The following TRPM5 variants were observed in gnomAD, a reference collection of about 807,000 sequenced individuals.
TRPM5 encodes the protein transient receptor potential cation channel subfamily M member 5, also known as MLSN1 and TRP-related.
TRPM5 carries 121 observed loss-of-function variants against 124.9 expected under a neutral mutation model. That is an observed-to-expected ratio of 0.97 (90% CI 0.84 to 1.13). The LOEUF (loss-of-function observed/expected upper bound fraction) is 1.13, where lower values mean the gene tolerates loss of function less well. Ranked by LOEUF, TRPM5 falls within the 50% of genes most tolerant of loss-of-function variation. The probability of loss-of-function intolerance (pLI) is 0.00; values close to 1 mark genes in which losing one functional copy is unlikely to be tolerated. For missense variants in TRPM5, 1,643 were observed against 1,589.1 expected (o/e 1.03, Z -0.58); for synonymous variants, 781 against 700.5 (o/e 1.11, Z -1.81).
At chr11:2,414,009 G>GCCCCCCCCCCCCCCCCCCCC in intron 12 of TRPM5, 52 bp downstream of exon 17, 6 of 1,023,720 alleles carry the variant, frequency 5.9e-6, no homozygotes, top group South Asian at 1.5e-5. Context: ...GGCCCAGCTC[G>GCCCCCCCCCCCCCCCCCCCC]CCCGCCCACC....
At chr11:2,430,737 G>GTGT in the TRPM5 span, among the ~76,000 whole-genome samples, 1,269 of 115,858 alleles carry the variant, frequency 0.011, 19 homozygotes, top group Middle Eastern at 0.038. Flanking sequence ...GGCGGTGATG[G>GTGT]TGATGGTGTT....
At chr11:2,414,581 G>A in intron 11 of TRPM5, 134 bp downstream of exon 16, 1 of 1,285,918 alleles carries the variant, frequency 7.8e-7, no homozygotes. Context: ...CTCTCCTATG[G>A]AGGAGGCCCC....
the TRPM5 span, among the ~76,000 whole-genome samples, chr11:2,434,209 G>A: frequency 6.6e-6 from 1 of 151,458 alleles, no homozygotes; most frequent in Non-Finnish European, 1.5e-5. Context: ...TGTGCACCAT[G>A]TGTGTCTGTG....
At chr11:2,422,314 C>G in exon 2 of TRPM5, 1 of 1,608,806 alleles carries the variant, frequency 6.2e-7, no homozygotes, top group South Asian at 1.1e-5. Context: ...GCTCGGCACC[C>G]GTACAAACTG....
chr11:2,430,246 A>T, the TRPM5 span, among the ~76,000 whole-genome samples: 58 of 151,390 alleles, frequency 3.8e-4, no homozygotes, highest in East Asian at 1.0e-2. Context: ...TGCCACTCAG[A>T]TACTGGCAGA....
At chr11:2,409,943 A>G (rs1393836730) in intron 18 of TRPM5, among the ~76,000 whole-genome samples, 1 of 152,102 alleles carries the variant, frequency 6.6e-6, no homozygotes, top group East Asian at 1.9e-4. Flanking sequence ...GTCTCCTCAT[A>G]CGAGTCGCTG....
chr11:2,415,054 G>T lies in TRPM5; in HGVS notation c.1480-7C>A. 1 of 1,598,460 alleles carries T rather than the reference G, an allele frequency of 6.3e-7. No homozygotes were observed. The highest frequency in any genetic ancestry group is 8.5e-7 in the Non-Finnish European group (1 of 1,178,106). ...GCTTGGCCGGGCCCTTCTCCTGGAG[G>T]ACACGGGCGTCGGCCTCCTGCTGCG... On this transcript the variant is annotated splice_region_variant and splice_polypyrimidine_tract_variant and intron_variant, in intron 9 of 23. Coordinates refer to ENST00000155858, the Ensembl canonical transcript of TRPM5.
downstream of TRPM5, among the ~76,000 whole-genome samples, chr11:2,404,108 T>C (rs1457657168): frequency 1.3e-5 from 2 of 152,120 alleles, no homozygotes; most frequent in Non-Finnish European, 2.9e-5. Flanking sequence ...GGGTACAGAA[T>C]CTGCCCTCCC....
chr11:2,411,517 C>T (rs759853634), exon 18 of TRPM5: 29 of 1,608,098 alleles, frequency 1.8e-5, no homozygotes, highest in Admixed American at 6.7e-5. Context: ...AAGAAGAAGA[C>T]GTCCTTCATC....
At chr11:2,408,511 T>C (rs1850371230) in intron 18 of TRPM5, among the ~76,000 whole-genome samples, 1 of 152,192 alleles carries the variant, frequency 6.6e-6, no homozygotes, top group Non-Finnish European at 1.5e-5. Flanking sequence ...GATCCCGCAC[T>C]GGGCCACTCA....
rs377101767 is a variant in TRPM5, at chr11:2,415,068, C to T, written c.1480-21G>A. The T allele has an allele frequency of 5.0e-6, 8 of 1,592,922 alleles. No homozygotes were observed. In the African/African-American group the frequency reaches 1.1e-4, roughly 21 times the overall value. On this transcript the variant is annotated intron_variant, in intron 9 of 23. Transcript: ENST00000155858. ...TTCTCCTGGAGGACACGGGCGTCGG[C>T]CTCCTGCTGCGGCCCCAGCCTCGCC...
the TRPM5 span, among the ~76,000 whole-genome samples, chr11:2,431,793 C>T: frequency 6.6e-6 from 1 of 152,168 alleles, no homozygotes; most frequent in Non-Finnish European, 1.5e-5. Flanking sequence ...TCGGTCTCTT[C>T]CCCTGTGATC....
rs1845734679 is a variant in TRPM5 at position 2,419,455 on chromosome 11, A to G, written c.649+767T>C. Among the ~76,000 whole-genome samples, 3 of 147,604 alleles carry G rather than the reference A, an allele frequency of 2.0e-5. No individual in the cohort carries two copies. In the South Asian group the frequency reaches 6.3e-4, roughly 31 times the overall value. ...CAACCCCGTCTCTACTGGGAAAAAA[A>G]AAAAAAAAAAAAGAGCCGGGCATGG... On this transcript the variant is annotated intron_variant, in intron 4 of 23. Transcript: ENST00000155858.
chr11:2,433,413 A>G, the TRPM5 span, among the ~76,000 whole-genome samples: 7 of 152,228 alleles, frequency 4.6e-5, no homozygotes, highest in Non-Finnish European at 1.0e-4. Context: ...CATTGAGGGC[A>G]GATGCTGGCT....
At chr11:2,420,558 A>G (rs903572238) in intron 3 of TRPM5, among the ~76,000 whole-genome samples, 153 bp from the exon 9 acceptor site, 2 of 152,074 alleles carry the variant, frequency 1.3e-5, no homozygotes, top group Non-Finnish European at 2.9e-5. Flanking sequence ...CTTCAGACAA[A>G]AGGAGGGACG....
the TRPM5 span, among the ~76,000 whole-genome samples, chr11:2,440,028 G>T: frequency 1.3e-5 from 2 of 152,168 alleles, no homozygotes; most frequent in African/African-American, 4.8e-5. The surrounding 1 kb of genome is among the most constrained non-coding windows in gnomAD (Gnocchi z 5.2). Flanking sequence ...GTCATCTGCA[G>T]CAACATGGGT....
the TRPM5 span, among the ~76,000 whole-genome samples, chr11:2,432,841 C>T: frequency 2.0e-5 from 3 of 152,236 alleles, no homozygotes; most frequent in South Asian, 6.2e-4. Flanking sequence ...GCCCGGAGCC[C>T]CTCAGACAGG....
exon 1 of TRPM5, chr11:2,422,959 G>C (rs759599505): frequency 2.5e-6 from 4 of 1,612,938 alleles, no homozygotes; most frequent in East Asian, 4.5e-5. Context: ...AGTTGACCTC[G>C]CCCCTGTGCA....
Position 2,409,705 on chromosome 11 carries a change from G to C in TRPM5, c.2782+1647C>G, listed in dbSNP as rs1419857497. On this transcript the variant is annotated intron_variant, in intron 18 of 23. Transcript: ENST00000155858. Reference sequence around the variant, plus strand: ...TTCAACCTGAAGGGCCCAGATACTTGCTCGGCAGCTGAACGGAGCCCAAGG... The same window carrying C: ...TTCAACCTGAAGGGCCCAGATACTTCCTCGGCAGCTGAACGGAGCCCAAGG... Among the ~76,000 whole-genome samples the C allele has an allele frequency of 2.0e-5, 3 of 152,130 alleles. No individual in the cohort carries two copies. In the East Asian group the frequency reaches 5.8e-4, roughly 29 times the overall value.
Sources: gnomAD v4.1 joint callset for allele counts (sites outside exome capture counted in the v4.1 genomes callset) on GRCh38, gnomAD v4.1.1 for gene constraint, Gnocchi (gnomAD v3.1) non-coding constraint, MANE v1.5 for transcripts, NCBI Gene and HGNC (gene_info 2026-07-23, HGNC 2026-07-21) for gene names.